Variants in PDZD8 observed in about 807,000 individuals in gnomAD.
PDZD8 encodes the protein PDZ domain-containing protein 8.
In PDZD8, 14 loss-of-function variants were observed where a neutral mutation model predicts 85.8. That is an observed-to-expected ratio of 0.16 (90% CI 0.11 to 0.26). The LOEUF (loss-of-function observed/expected upper bound fraction) is 0.26. Ranked by LOEUF, PDZD8 falls within the 10% of genes least tolerant of loss-of-function variation. PDZD8 has a pLI of 1.00. For synonymous variants in PDZD8, 592 were observed against 568.6 expected, an observed-to-expected ratio of 1.04 and a Z score of -0.59; for missense variants, 1,197 against 1,424.3, an observed-to-expected ratio of 0.84 and a Z score of 2.57.
At chr10:117,294,327 C>CAAAAAAAAAAA (rs71013656) in intron 3 of PDZD8, among the ~76,000 whole-genome samples, 198 of 142,416 alleles carry the variant, frequency 1.4e-3, no homozygotes, top group East Asian at 3.2e-3. Flanking sequence ...ACCAAAAAGA[C>CAAAAAAAAAAA]AAAAAAAAAA....
chr10:117,322,307 G>C (rs1172067983), intron 2 of PDZD8, among the ~76,000 whole-genome samples: 1 of 152,144 alleles, frequency 6.6e-6, no homozygotes, highest in Non-Finnish European at 1.5e-5. Flanking sequence ...AGACCTCGAG[G>C]AACATGGTAA....
intron 3 of PDZD8, among the ~76,000 whole-genome samples, chr10:117,290,961 C>T (rs1844750051): frequency 1.3e-5 from 2 of 150,886 alleles, no homozygotes; most frequent in Non-Finnish European, 2.9e-5. Context: ...CCTCCACCTC[C>T]CAGGCGCAAG....
At chr10:117,364,181 G>GGTGGGT (rs1554858563) in intron 1 of PDZD8, among the ~76,000 whole-genome samples, 3 of 148,984 alleles carry the variant, frequency 2.0e-5, no homozygotes, top group Non-Finnish European at 3.0e-5. Flanking sequence ...ATAATTTATG[G>GGTGGGT]GTGTGTGTGT....
intron 1 of PDZD8, among the ~76,000 whole-genome samples, chr10:117,364,542 G>C (rs997995638): frequency 6.6e-6 from 1 of 151,740 alleles, no homozygotes; most frequent in Non-Finnish European, 1.5e-5. Flanking sequence ...GCATTTAAAG[G>C]GCTAAACCAC....
chr10:117,343,729 GT>G (rs1844656535), intron 1 of PDZD8, among the ~76,000 whole-genome samples: 1 of 152,174 alleles, frequency 6.6e-6, no homozygotes. Flanking sequence ...TGCTCAGGGG[GT>G]TTTGCTAAGA....
intron 1 of PDZD8, among the ~76,000 whole-genome samples, chr10:117,352,623 G>A (rs1341292392): frequency 6.6e-6 from 1 of 152,102 alleles, no homozygotes. Flanking sequence ...AGGGAGGAGG[G>A]GAATAATCCA....
rs760293015 is a variant in PDZD8, at chr10:117,285,218, G to T, written c.1515C>A (p.Val505=). 6.2e-7 allele frequency: 1 copy of T among 1,614,192 alleles called. No individual in the cohort carries two copies. The highest frequency in any genetic ancestry group is 8.5e-7 in the Non-Finnish European group (1 of 1,180,038). The change falls in exon 5 of 5, where the codon GTC becomes GTA. Residue 505 remains valine, a synonymous_variant. Transcript: ENST00000334464. ...CATCTTTGAACTCATTTTGTGCTCT[G>T]ACATCACTTGCCAAGTCTTCAAATT... The part of the protein sequence containing the change: ...DSEFEDLASD[V]RAQNEFKDEA...
intron 3 of PDZD8, among the ~76,000 whole-genome samples, chr10:117,292,310 C>T (rs1197850552): frequency 6.6e-6 from 1 of 152,166 alleles, no homozygotes; most frequent in Non-Finnish European, 1.5e-5. Context: ...AGACATTTGT[C>T]CAATCCCTGC....
rs1844636690 is a variant in PDZD8, at chr10:117,285,032, T to C, written c.1701A>G (p.Leu567=). Residue 567 remains leucine, a synonymous_variant, in exon 5 of 5, where the codon CTA becomes CTG. Coordinates refer to ENST00000334464, the MANE Select transcript of PDZD8 (RefSeq NM_173791.5). ...CTGGGTCTGTTATCTCAGAAGTTTT[T>C]AGGGGTGGAGGTTTATTTCCATCTT... ...QSKDGNKPPP[L]KTSEITDPAQ... The C allele has an allele frequency of 1.2e-6, 2 of 1,614,030 alleles. No homozygotes were observed. Among genetic ancestry groups the C allele is most frequent in the Non-Finnish European group, 1.7e-6 (2 of 1,179,926 alleles).
chr10:117,310,124 T>G (rs542397917), intron 3 of PDZD8, among the ~76,000 whole-genome samples: 1 of 152,288 alleles, frequency 6.6e-6, no homozygotes, highest in African/African-American at 2.4e-5. Context: ...ACTCACTCTA[T>G]CTCAAAGATA....
intron 1 of PDZD8, among the ~76,000 whole-genome samples, chr10:117,372,959 A>C (rs10886065): frequency 0.23 from 35,211 of 152,108 alleles, 4,742 homozygotes; most frequent in East Asian, 0.44. Context: ...GAAATAGGCA[A>C]CTTCCACTAA....
intron 1 of PDZD8, among the ~76,000 whole-genome samples, chr10:117,369,865 C>T (rs1845159337): frequency 6.6e-6 from 1 of 152,130 alleles, no homozygotes. Context: ...ATTTTTTAAA[C>T]AGTGCAGGCC....
intron 3 of PDZD8, among the ~76,000 whole-genome samples, chr10:117,296,576 T>C (rs1411815736): frequency 1.3e-5 from 2 of 152,104 alleles, no homozygotes; most frequent in Non-Finnish European, 2.9e-5. Flanking sequence ...TGCTATATGT[T>C]AGATAAATCA....
intron 3 of PDZD8, among the ~76,000 whole-genome samples, chr10:117,291,135 A>C: frequency 6.6e-6 from 1 of 151,650 alleles, no homozygotes; most frequent in East Asian, 2.0e-4. Flanking sequence ...CAGCCTCCCA[A>C]AGTGCTAGGA....
At chr10:117,316,397 G>T (rs1222187465) in intron 3 of PDZD8, among the ~76,000 whole-genome samples, 1 of 152,158 alleles carries the variant, frequency 6.6e-6, no homozygotes, top group Non-Finnish European at 1.5e-5. Flanking sequence ...TCATGGCCAG[G>T]TGTGACAGCT....
intron 1 of PDZD8, among the ~76,000 whole-genome samples, chr10:117,346,097 C>T (rs1452937979): frequency 2.0e-5 from 3 of 151,550 alleles, no homozygotes; most frequent in Non-Finnish European, 4.4e-5. Flanking sequence ...AAAAATTAGC[C>T]GGGCGTGGTG....
chr10:117,290,094 A>C, intron 4 of PDZD8, 92 bp downstream of exon 4: 1 of 1,142,508 alleles, frequency 8.8e-7, no homozygotes, highest in Non-Finnish European at 1.2e-6. Context: ...TGCATATTAT[A>C]GAAATAAGGA....
Position 117,290,360 on chromosome 10 carries a change from G to A in PDZD8, c.1099-12C>T. On this transcript the variant is annotated splice_polypyrimidine_tract_variant and intron_variant, in intron 3 of 4. Transcript: ENST00000334464. ...TTTATTAATTCAACCTTTGATAAAG[G>A]GGAAAAAAATGAAAACTGATTCAAT... 2 of 1,575,680 alleles carry A rather than the reference G, an allele frequency of 1.3e-6. No individual in the cohort carries two copies. The highest frequency in any genetic ancestry group is 1.7e-4 in the Middle Eastern group (1 of 5,848).
chr10:117,314,831 G>A (rs1844096286), intron 3 of PDZD8, among the ~76,000 whole-genome samples: 1 of 152,092 alleles, frequency 6.6e-6, no homozygotes, highest in African/African-American at 2.4e-5. Context: ...ATATTGTTTG[G>A]ATTTTCAACC....
Sources: gnomAD v4.1 joint callset for allele counts (sites outside exome capture counted in the v4.1 genomes callset) on GRCh38, gnomAD v4.1.1 for gene constraint, MANE v1.5 for transcripts, NCBI Gene and HGNC (gene_info 2026-07-23, HGNC 2026-07-21) for gene names.